The following TASP1 variants were observed in gnomAD, a reference collection of about 807,000 sequenced individuals.
TASP1 encodes threonine aspartase 1.
Under a neutral mutation model 56.6 loss-of-function variants are expected in TASP1, and 16 were observed. That is an observed-to-expected ratio of 0.28 (90% CI 0.19 to 0.43). The LOEUF is 0.43. TASP1 is among the 20% of genes least tolerant of loss of function. The pLI, the probability that TASP1 is intolerant of heterozygous loss-of-function variation, is 1.00. For synonymous variants in TASP1, 179 were observed against 184.2 expected (o/e 0.97, Z 0.23); for missense variants, 393 against 511.6 (o/e 0.77, Z 2.24).
the TASP1 span, chr20:13,153,891 A>G: frequency 4.3e-6 from 6 of 1,397,994 alleles, no homozygotes; most frequent in Non-Finnish European, 4.9e-6. Flanking sequence ...TCCTCCTCCC[A>G]GCTAGTGCTG....
the TASP1 span, among the ~76,000 whole-genome samples, chr20:13,366,491 C>G: frequency 1.3e-5 from 2 of 152,196 alleles, no homozygotes; most frequent in African/African-American, 4.8e-5. Context: ...TATAAACAAT[C>G]CTGTAAGCAG....
At chr20:13,385,410 G>A (rs1568731326), downstream of TASP1, among the ~76,000 whole-genome samples, 1 of 152,222 alleles carries the variant, frequency 6.6e-6, no homozygotes, top group Non-Finnish European at 1.5e-5. Context: ...ACAAACTTTT[G>A]TGGCATATCC....
At chr20:13,104,929 C>A in the TASP1 span, among the ~76,000 whole-genome samples, 7 of 152,062 alleles carry the variant, frequency 4.6e-5, no homozygotes, top group African/African-American at 9.7e-5. Flanking sequence ...AAAAACCTAA[C>A]AGTCCTTCCC....
the TASP1 span, among the ~76,000 whole-genome samples, chr20:13,182,036 A>G: frequency 6.6e-6 from 1 of 152,166 alleles, no homozygotes; most frequent in South Asian, 2.1e-4. Context: ...AAAAGCATTA[A>G]AGTTCACATT....
chr20:13,305,514 T>C, the TASP1 span, among the ~76,000 whole-genome samples: 4 of 152,338 alleles, frequency 2.6e-5, no homozygotes, highest in South Asian at 8.3e-4. Context: ...TCATTTACAA[T>C]TTCCAATGGA....
chr20:13,189,379 T>C, the TASP1 span, among the ~76,000 whole-genome samples: 1 of 152,094 alleles, frequency 6.6e-6, no homozygotes, highest in Non-Finnish European at 1.5e-5. Context: ...ACCTACAGAA[T>C]AGGAGAAAAT....
intron 5 of TASP1, 105 bp downstream of exon 5, chr20:13,587,145 C>T: frequency 7.4e-7 from 1 of 1,354,734 alleles, no homozygotes; most frequent in Non-Finnish European, 9.9e-7. Context: ...GTTTTAAACA[C>T]TATTCCAAGC....
At chr20:13,408,390 A>G (rs1242995882) in intron 13 of TASP1, among the ~76,000 whole-genome samples, 1 of 152,040 alleles carries the variant, frequency 6.6e-6, no homozygotes. Flanking sequence ...ATACTGCTGG[A>G]TTTTTCATTC....
chr20:13,513,077 C>T (rs1168916292), intron 10 of TASP1, among the ~76,000 whole-genome samples: 3 of 152,062 alleles, frequency 2.0e-5, no homozygotes. Context: ...ATTGTCTTGG[C>T]AATGTGGGCT....
chr20:13,264,740 T>C, the TASP1 span, among the ~76,000 whole-genome samples: 1 of 152,226 alleles, frequency 6.6e-6, no homozygotes. Flanking sequence ...GACCAGGATG[T>C]ACTCAGTATA....
chr20:13,233,322 G>A, the TASP1 span, among the ~76,000 whole-genome samples: 7 of 152,204 alleles, frequency 4.6e-5, no homozygotes, highest in East Asian at 1.9e-4. Flanking sequence ...CCTGCCGGGC[G>A]CGGTGGCTCA....
chr20:13,281,855 C>T, the TASP1 span, among the ~76,000 whole-genome samples: 2 of 152,222 alleles, frequency 1.3e-5, no homozygotes, highest in East Asian at 1.9e-4. Flanking sequence ...AGAGCTCAGA[C>T]ACCTGGCATC....
chr20:13,224,473 C>T, the TASP1 span, among the ~76,000 whole-genome samples: 31 of 152,222 alleles, frequency 2.0e-4, no homozygotes, highest in African/African-American at 7.2e-4. Flanking sequence ...TTTTACCAGA[C>T]ATTTTAAACC....
In TASP1 at chr20:13,581,246, T is replaced by C. The variant is rs79753793; in HGVS notation, c.404-265A>G. On this transcript the variant is annotated intron_variant, in intron 5 of 13. Coordinates refer to ENST00000337743, the MANE Select transcript of TASP1 (RefSeq NM_017714.3). ...ACGTGCTATAGAAGCAAAGGCTGAATTGAAATACTACATATTTAAATTAGG... is the reference window on the plus strand; with the variant it reads ...ACGTGCTATAGAAGCAAAGGCTGAACTGAAATACTACATATTTAAATTAGG... 1.3e-3 allele frequency among the ~76,000 whole-genome samples: 201 copies of C among 152,320 alleles called. 1 individual carries two copies. The highest frequency in any genetic ancestry group is 4.6e-3 in the African/African-American group (192 of 41,574).
the TASP1 span, among the ~76,000 whole-genome samples, chr20:13,295,346 C>T: frequency 4.3e-3 from 651 of 152,298 alleles, 4 homozygotes; most frequent in African/African-American, 0.015. Flanking sequence ...CCCTAGTACC[C>T]GCTGAACCAG....
downstream of TASP1, among the ~76,000 whole-genome samples, chr20:13,386,412 C>A (rs1461721877): frequency 6.6e-6 from 1 of 152,080 alleles, no homozygotes; most frequent in Non-Finnish European, 1.5e-5. Flanking sequence ...TTAAAATTTA[C>A]ATTTTTAAAA....
At chr20:13,359,187 C>T in the TASP1 span, among the ~76,000 whole-genome samples, 1 of 143,124 alleles carries the variant, frequency 7.0e-6, no homozygotes, top group African/African-American at 2.8e-5. Context: ...AACACCTGAA[C>T]CGCAGTGGCC....
chr20:13,447,304 T>C (rs2043447313), intron 11 of TASP1, among the ~76,000 whole-genome samples: 1 of 152,166 alleles, frequency 6.6e-6, no homozygotes, highest in African/African-American at 2.4e-5. Context: ...TAATTACCTA[T>C]ATGTTTACAA....
the TASP1 span, chr20:13,160,132 G>A: frequency 1.5e-5 from 24 of 1,613,538 alleles, no homozygotes; most frequent in East Asian, 8.9e-5. Flanking sequence ...TGTTAGACAC[G>A]GTGAGTACAC....
Sources: allele counts gnomAD v4.1 joint callset (sites outside exome capture counted in the v4.1 genomes callset), GRCh38; gene constraint gnomAD v4.1.1; transcripts MANE v1.5; gene names NCBI Gene and HGNC (gene_info 2026-07-23, HGNC 2026-07-21).